SEMA7A: variants seen among roughly 807,000 people sequenced by gnomAD.
The protein encoded by SEMA7A is semaphorin-7A.
Under a neutral mutation model 67.5 loss-of-function variants are expected in SEMA7A, and 21 were observed. The ratio of observed to expected loss-of-function variants is 0.31; its 90% CI spans 0.22 to 0.45. The LOEUF (loss-of-function observed/expected upper bound fraction) is 0.45, where lower values mean the gene tolerates loss of function less well. Ranked by LOEUF, SEMA7A falls within the 20% of genes least tolerant of loss-of-function variation. The pLI is 1.00. For missense variants in SEMA7A, 774 were observed against 908.6 expected, an observed-to-expected ratio of 0.85 and a Z score of 1.90; for synonymous variants, 364 against 368.5, an observed-to-expected ratio of 0.99 and a Z score of 0.14.
intron 10 of SEMA7A, among the ~76,000 whole-genome samples, chr15:74,412,766 G>A (rs1163629184): frequency 6.6e-6 from 1 of 151,702 alleles, no homozygotes; most frequent in African/African-American, 2.4e-5. Flanking sequence ...TTCCACAAAT[G>A]TCCTTCTTCT....
chr15:74,417,762 T>C (rs2060964347), intron 4 of SEMA7A, 87 bp from the exon 5 acceptor site: 4 of 1,544,090 alleles, frequency 2.6e-6, no homozygotes, highest in African/African-American at 1.4e-5. Flanking sequence ...AGGAGCCCCA[T>C]CCTCCCAGGG....
At position 74,410,248 on chromosome 15, in the gene SEMA7A, A is replaced by C. The variant is rs1291293281; in HGVS notation, c.*376T>G. The C allele has an allele frequency of 4.8e-6, 1 of 206,614 alleles. No homozygotes were observed. The highest frequency in any genetic ancestry group is 9.6e-6 in the Non-Finnish European group (1 of 103,818). The allele number at this position is 206,614 out of a possible 1,614,324, so 12.8% of individuals were successfully genotyped here. The stretch of plus-strand genomic sequence containing the variant: ...CCAGAAGGACTCAGGCCTCAGCCCC[A>C]GGGTCGAGATGGAGTCCCAGCTCTC... On this transcript the variant is annotated 3_prime_UTR_variant, in exon 14 of 14. Coordinates refer to ENST00000261918, the MANE Select transcript of SEMA7A (RefSeq NM_003612.5). The surrounding 1 kb of genome is among the most constrained non-coding windows in gnomAD (Gnocchi z 7.5).
At chr15:74,415,359 C>T (rs2060939372) in intron 8 of SEMA7A, among the ~76,000 whole-genome samples, 1 of 152,290 alleles carries the variant, frequency 6.6e-6, no homozygotes, top group South Asian at 2.1e-4. Context: ...CTATCCCTAA[C>T]TCTCCCCACA....
In SEMA7A at chr15:74,411,688, T is replaced by G. The variant is rs1163261160; in HGVS notation, c.1445A>C (p.Gln482Pro). 2.5e-6 allele frequency: 4 copies of G among 1,613,462 alleles called. No individual in the cohort carries two copies. The African/African-American group carries it at 4.0e-5, about 16-fold the overall frequency. The change falls in exon 12 of 14, where the codon CAG becomes CCG. Residue 482 changes from glutamine (Q) to proline (P), a missense_variant. Gln to Pro is a moderately conservative substitution (Grantham distance 76). Coordinates refer to ENST00000261918, the MANE Select transcript of SEMA7A (RefSeq NM_003612.5). The surrounding 1 kb of genome is among the most constrained non-coding windows in gnomAD (Gnocchi z 4.4). ...CAGGGGCACCTGGCTCACCTCCCAC[T>G]GGGAGCTCACATACAGCTTCCTCTG... ...AERRKLYVSSQWEVSQVPLDL... is the reference protein window; with the variant it reads ...AERRKLYVSSPWEVSQVPLDL...
At chr15:74,432,999 C>T (rs967180972) in intron 1 of SEMA7A, among the ~76,000 whole-genome samples, 1 of 152,188 alleles carries the variant, frequency 6.6e-6, no homozygotes, top group African/African-American at 2.4e-5. Context: ...AGATCCACCG[C>T]CTGGGGGTCC....
intron 1 of SEMA7A, among the ~76,000 whole-genome samples, chr15:74,421,864 G>A (rs898902897): frequency 1.3e-5 from 2 of 152,194 alleles, no homozygotes; most frequent in Admixed American, 6.5e-5. Context: ...GCAAGGCCAG[G>A]GGCTACCCCT....
At chr15:74,432,694 G>A (rs1338212752) in intron 1 of SEMA7A, among the ~76,000 whole-genome samples, 1 of 152,162 alleles carries the variant, frequency 6.6e-6, no homozygotes, top group Non-Finnish European at 1.5e-5. Flanking sequence ...GGCTCCCGGT[G>A]GGGCCAGACC....
chr15:74,417,660 CCACA>C lies in SEMA7A; in HGVS notation c.477_480del (p.Val160CysfsTer6), dbSNP rs1567073714. 1.9e-6 allele frequency: 3 copies of C among 1,611,814 alleles called. No individual in the cohort carries two copies. The highest frequency in any genetic ancestry group is 3.3e-4 in the Middle Eastern group (2 of 6,060). Reference sequence around the variant, plus strand: ...TAGCCTCTCATCTCGCCAAGTGGCACCACAGTGCCATTCACCTGTGGGAGATCCA... The same window carrying C: ...TAGCCTCTCATCTCGCCAAGTGGCACGTGCCATTCACCTGTGGGAGATCCA... On this transcript the variant is annotated frameshift_variant, in exon 5 of 14. Coordinates refer to ENST00000261918, the MANE Select transcript of SEMA7A (RefSeq NM_003612.5). LOFTEE classifies it high-confidence loss of function.
intron 1 of SEMA7A, among the ~76,000 whole-genome samples, chr15:74,430,320 G>A (rs960217231): frequency 7.2e-5 from 11 of 152,144 alleles, no homozygotes; most frequent in African/African-American, 2.7e-4. Context: ...GATTTAAACA[G>A]GCCACCACAG....
Position 74,433,860 on chromosome 15 carries a change from C to T in SEMA7A, c.59G>A (p.Gly20Asp). 3 of 1,288,720 alleles carry T rather than the reference C, an allele frequency of 2.3e-6. No individual in the cohort carries two copies. The highest frequency in any genetic ancestry group is 2.9e-6 in the Non-Finnish European group (3 of 1,024,686). The allele number at this position is 1,288,720 out of a possible 1,614,324, so 79.8% of individuals were successfully genotyped here. ...APSAPRARVP[G>D]PPARLGLPLR... is the part of the protein sequence containing the mutation. The stretch of plus-strand genomic sequence containing the variant: ...CGGAAGCCCCAACCGAGCCGGCGGG[C>T]CAGGGACGCGGGCGCGCGGTGCGCT... Residue 20 changes from glycine to aspartate, a missense_variant, in exon 1 of 14, where the codon GGC (glycine) becomes GAC (aspartate). Coordinates refer to ENST00000261918, the MANE Select transcript of SEMA7A (RefSeq NM_003612.5).
At position 74,415,790 on chromosome 15, in the gene SEMA7A, G is replaced by C. The variant is rs769508572; in HGVS notation, c.986+11C>G. 7 of 1,607,678 alleles carry C rather than the reference G, an allele frequency of 4.4e-6. No individual in the cohort carries two copies. The highest frequency in any genetic ancestry group is 5.9e-6 in the Non-Finnish European group (7 of 1,176,880). ...AATGCCAGCCCCGGCCCCAGGACAAGGGCCACTCACCAGGGGTTGGAGAAA... is the reference window on the plus strand; with the variant it reads ...AATGCCAGCCCCGGCCCCAGGACAACGGCCACTCACCAGGGGTTGGAGAAA... On this transcript the variant is annotated intron_variant, in intron 8 of 13. Transcript: ENST00000261918.
chr15:74,422,685 C>T (rs1353417206), intron 1 of SEMA7A, among the ~76,000 whole-genome samples: 3 of 152,200 alleles, frequency 2.0e-5, no homozygotes, highest in Non-Finnish European at 4.4e-5. Context: ...CGGGTGCTCA[C>T]AGGGCTCTGA....
At position 74,418,934 on chromosome 15, in the gene SEMA7A, C is replaced by A; in HGVS notation, c.197G>T (p.Arg66Leu). 1 of 1,613,586 alleles carries A rather than the reference C, an allele frequency of 6.2e-7. No homozygotes were observed. The highest frequency in any genetic ancestry group is 8.5e-7 in the Non-Finnish European group (1 of 1,180,000). The change falls in exon 2 of 14, where the codon CGG becomes CTG. Residue 66 changes from arginine (R) to leucine (L), a missense_variant. Arg to Leu is a moderately radical substitution (Grantham distance 102). Around this residue, in one of 2 missense-constraint regions of SEMA7A, gnomAD observed 347 missense variants for 353.2 expected, o/e 0.98. Coordinates refer to ENST00000261918, the MANE Select transcript of SEMA7A (RefSeq NM_003612.5). ...AVWKGHVGQD[R>L]VDFGQTEPHT... ...CGGCTCAGTCTGGCCAAAGTCCACC[C>A]GGTCCTGCCCTACATGGCCTGAGGA...
chr15:74,418,863 C>T lies in SEMA7A; in HGVS notation c.268G>A (p.Gly90Arg). The T allele has an allele frequency of 6.2e-7, 1 of 1,613,926 alleles. No homozygotes were observed. The highest frequency in any genetic ancestry group is 8.5e-7 in the Non-Finnish European group (1 of 1,180,018). ...AAGAGGTAGACCTTGCCACGTCCTC[C>T]CACCCACACAGAGGAGCTGCCTGGC... is the stretch of plus-strand genomic sequence containing the variant. The part of the protein sequence containing the change: ...HEPGSSSVWV[G>R]GRGKVYLFDF... Residue 90 changes from glycine (G) to arginine (R), a missense_variant, in exon 2 of 14, where the codon GGA becomes AGA. Around this residue, in one of 2 missense-constraint regions of SEMA7A, gnomAD observed 347 missense variants for 353.2 expected, o/e 0.98. Transcript: ENST00000261918.
chr15:74,430,583 A>C (rs28362868), intron 1 of SEMA7A, among the ~76,000 whole-genome samples: 112 of 152,300 alleles, frequency 7.4e-4, no homozygotes, highest in Middle Eastern at 6.8e-3. Flanking sequence ...ACCTGCTCTC[A>C]GAATCTTCAC....
At position 74,410,878 on chromosome 15, in the gene SEMA7A, C is replaced by T. The variant is rs183138976; in HGVS notation, c.1747G>A (p.Val583Met). 2.1e-5 allele frequency: 34 copies of T among 1,614,212 alleles called. No individual in the cohort carries two copies. The highest frequency in any genetic ancestry group is 6.7e-5 in the East Asian group (3 of 44,884). ...ATYSWRHKEN[V>M]EQSCEPGHQS... ...TGACCAGGTTCGCAGCTCTGCTCCA[C>T]GTTCTCCTTGTGGCGCCATGAGTAG... The change falls in exon 14 of 14, where the codon GTG becomes ATG. Residue 583 changes from valine (V) to methionine (M), a missense_variant. Coordinates refer to ENST00000261918, the MANE Select transcript of SEMA7A (RefSeq NM_003612.5). This position sits in a 1 kb window ranked among gnomAD's most constrained non-coding sequence, Gnocchi z 7.5.
At position 74,414,953 on chromosome 15, in the gene SEMA7A, T is replaced by C; in HGVS notation, c.987-7A>G. On this transcript the variant is annotated splice_region_variant and splice_polypyrimidine_tract_variant and intron_variant, in intron 8 of 13. Transcript: ENST00000261918. The surrounding 1 kb of genome is among the most constrained non-coding windows in gnomAD (Gnocchi z 4.1). ...ACAGACGGCTGAGTAGTTCCTGCAG[T>C]GACATGGAGACCAGCTCAATGGGGG... 1.9e-6 allele frequency: 3 copies of C among 1,612,330 alleles called. No homozygotes were observed. The highest frequency in any genetic ancestry group is 1.7e-6 in the Non-Finnish European group (2 of 1,178,626).
intron 1 of SEMA7A, among the ~76,000 whole-genome samples, chr15:74,421,819 G>C (rs1295243845): frequency 6.6e-6 from 1 of 151,976 alleles, no homozygotes; most frequent in East Asian, 1.9e-4. Flanking sequence ...AGCCATCAGG[G>C]CCAGGCCTCG....
At chr15:74,424,753 G>C (rs1223114526) in intron 1 of SEMA7A, among the ~76,000 whole-genome samples, 1 of 152,194 alleles carries the variant, frequency 6.6e-6, no homozygotes, top group Non-Finnish European at 1.5e-5. Context: ...CAGCTGGAGT[G>C]GGTAAGATGC....
Sources: gnomAD v4.1 joint callset for allele counts (sites outside exome capture counted in the v4.1 genomes callset) on GRCh38, gnomAD v4.1.1 for gene constraint, gnomAD v4.1.1 regional missense constraint, Gnocchi (gnomAD v3.1) non-coding constraint, MANE v1.5 for transcripts, NCBI Gene and HGNC (gene_info 2026-07-23, HGNC 2026-07-21) for gene names.